Variants in WLS observed in about 807,000 individuals in gnomAD.
WLS encodes the protein protein wntless homolog.
In WLS, 23 loss-of-function variants were observed where a neutral mutation model predicts 62.8. The observed-to-expected ratio is 0.37, with a 90% confidence interval of 0.26 to 0.52. The LOEUF (loss-of-function observed/expected upper bound fraction) is 0.52. WLS is among the 20% of genes least tolerant of loss of function. WLS has a pLI of 0.92. For synonymous variants in WLS, 246 were observed against 244.1 expected, an observed-to-expected ratio of 1.01 and a Z score of -0.07; for missense variants, 615 against 697.3, an observed-to-expected ratio of 0.88 and a Z score of 1.33.
At chr1:68,184,486 G>A (rs1165249884) in intron 2 of WLS, among the ~76,000 whole-genome samples, 2 of 152,138 alleles carry the variant, frequency 1.3e-5, no homozygotes, top group African/African-American at 4.8e-5. Context: ...ACAGAACTTG[G>A]CCTTACCAAG....
At chr1:68,211,109 G>A (rs1402646184) in intron 1 of WLS, among the ~76,000 whole-genome samples, 1 of 152,198 alleles carries the variant, frequency 6.6e-6, no homozygotes, top group East Asian at 1.9e-4. Flanking sequence ...TCTAAACACT[G>A]TCTTTTGTTT....
intron 1 of WLS, among the ~76,000 whole-genome samples, chr1:68,207,184 G>A (rs1304332139): frequency 6.6e-6 from 1 of 152,174 alleles, no homozygotes; most frequent in East Asian, 1.9e-4. Flanking sequence ...GAGAAGGTAG[G>A]TCTAATCCAA....
Position 68,150,271 on chromosome 1 carries a change from G to C in WLS, c.889C>G (p.Leu297Val). 1.2e-6 allele frequency: 2 copies of C among 1,614,196 alleles called. No homozygotes were observed. The highest frequency in any genetic ancestry group is 1.7e-6 in the Non-Finnish European group (2 of 1,180,028). ...FSIGFDWTWM[L>V]LFGDIRQGIF... ...CCCTGTCGGATGTCACCAAACAGCA[G>C]CATCCAGGTCCAGTCAAACCCGATG... The change falls in exon 6 of 12, where the codon CTG becomes GTG. Residue 297 changes from leucine (L) to valine (V), a missense_variant. Coordinates refer to ENST00000262348, the MANE Select transcript of WLS (RefSeq NM_024911.7).
intron 11 of WLS, among the ~76,000 whole-genome samples, chr1:68,106,815 T>A (rs572746915): frequency 6.6e-6 from 1 of 152,038 alleles, no homozygotes; most frequent in East Asian, 1.9e-4. Context: ...GGACAAGAGA[T>A]GCTTAATGTC....
chr1:68,218,223 T>C (rs1365109960), intron 1 of WLS, among the ~76,000 whole-genome samples: 1 of 145,230 alleles, frequency 6.9e-6, no homozygotes, highest in African/African-American at 2.5e-5. Context: ...AGAATGGTTG[T>C]ATCAAAATGG....
chr1:68,106,535 C>G (rs951630625), intron 11 of WLS, among the ~76,000 whole-genome samples: 1 of 152,188 alleles, frequency 6.6e-6, no homozygotes, highest in Non-Finnish European at 1.5e-5. Flanking sequence ...TTATTGGAGG[C>G]AAAACAATCA....
chr1:68,196,750 C>T (rs1570995272), intron 1 of WLS, among the ~76,000 whole-genome samples: 1 of 152,140 alleles, frequency 6.6e-6, no homozygotes, highest in East Asian at 1.9e-4. Context: ...CAAGTTGCCA[C>T]TAACCCCTGC....
intron 1 of WLS, chr1:68,202,810 T>C (rs1303018643): frequency 1.3e-5 from 2 of 152,180 alleles, no homozygotes; most frequent in African/African-American, 4.8e-5. Flanking sequence ...CCAGTTCTTG[T>C]GTGGGAAATC....
chr1:68,138,424 A>G (rs1359490294), intron 10 of WLS: 1 of 152,768 alleles, frequency 6.5e-6, no homozygotes, highest in Non-Finnish European at 1.5e-5. Context: ...CAAGATGAAG[A>G]CTCCAGACTT....
intron 11 of WLS, among the ~76,000 whole-genome samples, chr1:68,133,963 T>C (rs1646568856): frequency 6.6e-6 from 1 of 152,338 alleles, no homozygotes. Flanking sequence ...TGTAGCAAGA[T>C]ATCTGAATTC....
chr1:68,105,572 G>A lies in WLS; in HGVS notation c.1511-6819C>T, dbSNP rs7548464. Among the ~76,000 whole-genome samples the A allele has an allele frequency of 1.4e-3, 215 of 152,270 alleles. 1 individual carries two copies. The highest frequency in any genetic ancestry group is 5.1e-3 in the African/African-American group (211 of 41,548). On this transcript the variant is annotated intron_variant, in intron 11 of 11. Transcript: ENST00000354777. ...AGAAATCACTGTTACAAGGTCCTTG[G>A]CTTTCCAGGAAGTCCAAAACCCAAA...
intron 2 of WLS, among the ~76,000 whole-genome samples, chr1:68,185,945 G>A (rs1340753154): frequency 1.3e-5 from 2 of 152,292 alleles, no homozygotes; most frequent in East Asian, 3.9e-4. Context: ...GGGTGGGGCT[G>A]AAATTAGTTC....
intron 11 of WLS, among the ~76,000 whole-genome samples, chr1:68,113,554 T>C (rs1464680331): frequency 6.6e-6 from 1 of 152,176 alleles, no homozygotes; most frequent in Non-Finnish European, 1.5e-5. Context: ...CCAAGCACTT[T>C]GGCAGGTGTT....
At chr1:68,116,323 G>A (rs1421529823) in intron 11 of WLS, among the ~76,000 whole-genome samples, 10 of 152,188 alleles carry the variant, frequency 6.6e-5, no homozygotes, top group Admixed American at 3.9e-4. Flanking sequence ...AACCACACGG[G>A]GTAAGGCCAG....
intron 1 of WLS, among the ~76,000 whole-genome samples, chr1:68,197,381 C>T (rs1311975978): frequency 1.3e-5 from 2 of 152,094 alleles, no homozygotes; most frequent in African/African-American, 2.4e-5. Context: ...TTGGAGAAGC[C>T]TCAAGTGCAT....
chr1:68,184,901 A>G (rs1272469440), intron 2 of WLS, among the ~76,000 whole-genome samples: 3 of 152,052 alleles, frequency 2.0e-5, no homozygotes, highest in African/African-American at 7.2e-5. Flanking sequence ...AACTACCACC[A>G]TTTAGAAGTT....
chr1:68,204,465 GC>G (rs1340812228), intron 1 of WLS, among the ~76,000 whole-genome samples: 1 of 151,908 alleles, frequency 6.6e-6, no homozygotes, highest in Non-Finnish European at 1.5e-5. Flanking sequence ...GACCACAGGC[GC>G]CCGGCTAATT....
At chr1:68,115,967 C>G (rs572324432) in intron 11 of WLS, among the ~76,000 whole-genome samples, 1 of 152,338 alleles carries the variant, frequency 6.6e-6, no homozygotes, top group East Asian at 1.9e-4. Context: ...GGCTGGCAAG[C>G]TCTGCACCTC....
chr1:68,181,799 C>T (rs1272848613), intron 2 of WLS, among the ~76,000 whole-genome samples: 1 of 152,160 alleles, frequency 6.6e-6, no homozygotes, highest in East Asian at 1.9e-4. Flanking sequence ...GTCAACCACC[C>T]ATTTGCAAAC....
Sources: allele counts gnomAD v4.1 joint callset (sites outside exome capture counted in the v4.1 genomes callset), GRCh38; gene constraint gnomAD v4.1.1; transcripts MANE v1.5; gene names NCBI Gene and HGNC (gene_info 2026-07-23, HGNC 2026-07-21).